Variants in DCAF6 observed in about 807,000 individuals in gnomAD.
The protein encoded by DCAF6 is DDB1- and CUL4-associated factor 6.
DCAF6 carries 54 observed loss-of-function variants against 125.1 expected under a neutral mutation model. The observed-to-expected ratio is 0.43, with a 90% CI of 0.35 to 0.54. The LOEUF (loss-of-function observed/expected upper bound fraction) is 0.54, where lower values mean the gene tolerates loss of function less well. DCAF6 is among the 20% of genes least tolerant of loss of function. The pLI, the probability that DCAF6 is intolerant of heterozygous loss-of-function variation, is 0.01. For missense variants in DCAF6, 934 were observed against 1,161.7 expected (o/e 0.80, Z 2.85); for synonymous variants, 371 against 390.4 (o/e 0.95, Z 0.58).
At chr1:168,070,117 G>A (rs1304048021) in intron 21 of DCAF6, among the ~76,000 whole-genome samples, 1 of 151,792 alleles carries the variant, frequency 6.6e-6, no homozygotes, top group East Asian at 1.9e-4. Flanking sequence ...TCCTTCTTTG[G>A]TTTTAGAATT....
chr1:167,962,666 A>AATTTTTAG (rs1170679377), intron 2 of DCAF6, among the ~76,000 whole-genome samples: 5 of 152,040 alleles, frequency 3.3e-5, no homozygotes, highest in African/African-American at 1.2e-4. Context: ...TCTCTGTCTT[A>AATTTTTAG]ATTTTTAGGC....
intron 6 of DCAF6, among the ~76,000 whole-genome samples, chr1:167,992,581 A>C (rs992642158): frequency 1.3e-5 from 2 of 152,246 alleles, no homozygotes; most frequent in African/African-American, 4.8e-5. Flanking sequence ...CACAATTGAC[A>C]TTTTGAGCAT....
At chr1:168,008,659 GA>G (rs1271340467) in intron 10 of DCAF6, among the ~76,000 whole-genome samples, 6 of 149,744 alleles carry the variant, frequency 4.0e-5, no homozygotes, top group African/African-American at 1.2e-4. Flanking sequence ...AACTACAAAA[GA>G]AAAAAAAATC....
chr1:167,961,685 A>G (rs1675628666), intron 2 of DCAF6, among the ~76,000 whole-genome samples: 1 of 152,172 alleles, frequency 6.6e-6, no homozygotes, highest in East Asian at 1.9e-4. Flanking sequence ...GACTTAAAGT[A>G]TGGTGTTGAA....
the DCAF6 span, chr1:167,920,687 T>C: frequency 9.2e-6 from 14 of 1,514,616 alleles, no homozygotes; most frequent in Non-Finnish European, 1.3e-5. Flanking sequence ...GTAATAGTTT[T>C]AACTTTAAAT....
At chr1:167,971,249 T>C (rs1677256108) in intron 3 of DCAF6, among the ~76,000 whole-genome samples, 2 of 152,246 alleles carry the variant, frequency 1.3e-5, no homozygotes, top group African/African-American at 4.8e-5. Context: ...CACTCCTTCA[T>C]CTGTGTTCCT....
chr1:168,026,754 C>T (rs559405838), intron 12 of DCAF6, among the ~76,000 whole-genome samples: 1 of 151,508 alleles, frequency 6.6e-6, no homozygotes, highest in Non-Finnish European at 1.5e-5. Flanking sequence ...TGGATATCCA[C>T]GTGGAGAGAT....
chr1:167,958,191 CG>C (rs1297611650), intron 2 of DCAF6, among the ~76,000 whole-genome samples: 2 of 151,876 alleles, frequency 1.3e-5, no homozygotes, highest in South Asian at 2.1e-4. Flanking sequence ...CTGTTGGTGC[CG>C]TATTTAAGAA....
intron 10 of DCAF6, among the ~76,000 whole-genome samples, chr1:168,011,149 GCT>G (rs1365124217): frequency 8.8e-6 from 1 of 113,760 alleles, no homozygotes; most frequent in African/African-American, 3.5e-5. Context: ...ATGGAGTCTT[GCT>G]CTGTCACCAG....
At chr1:168,053,519 T>G (rs1292665969) in intron 17 of DCAF6, among the ~76,000 whole-genome samples, 1 of 152,184 alleles carries the variant, frequency 6.6e-6, no homozygotes, top group Non-Finnish European at 1.5e-5. Flanking sequence ...ACTTCAATCA[T>G]GGCTATGATT....
chr1:168,042,928 T>G, intron 13 of DCAF6, 97 bp from the exon 14 acceptor site: 1 of 722,334 alleles, frequency 1.4e-6, no homozygotes, highest in Non-Finnish European at 2.3e-6. Context: ...TACTTGTGAA[T>G]TTTTTGGTCT....
At chr1:168,036,506 T>G (rs1035241380) in intron 12 of DCAF6, among the ~76,000 whole-genome samples, 1 of 152,222 alleles carries the variant, frequency 6.6e-6, no homozygotes, top group Admixed American at 6.5e-5. Context: ...CTCAGTTTCC[T>G]TAATCATCCA....
chr1:167,988,945 T>G (rs1680415819), intron 5 of DCAF6, among the ~76,000 whole-genome samples: 1 of 152,026 alleles, frequency 6.6e-6, no homozygotes, highest in Admixed American at 6.6e-5. Context: ...CCGGGCGTGG[T>G]GGCAGGTGCC....
intron 17 of DCAF6, among the ~76,000 whole-genome samples, chr1:168,052,927 G>A (rs1225685214): frequency 1.3e-5 from 2 of 152,072 alleles, no homozygotes; most frequent in Non-Finnish European, 2.9e-5. Flanking sequence ...CTGGTATATA[G>A]GGCACTTCAT....
At chr1:167,963,218 C>T (rs1444424956) in intron 2 of DCAF6, among the ~76,000 whole-genome samples, 2 of 151,656 alleles carry the variant, frequency 1.3e-5, no homozygotes, top group Admixed American at 6.6e-5. Flanking sequence ...GAGCTGAGAT[C>T]GTGCTGCTTC....
At chr1:168,018,614 T>A (rs900075979) in intron 11 of DCAF6, among the ~76,000 whole-genome samples, 1 of 152,214 alleles carries the variant, frequency 6.6e-6, no homozygotes, top group Non-Finnish European at 1.5e-5. Flanking sequence ...TCCAAAAATA[T>A]GGTTTTAAAA....
chr1:168,034,443 T>A (rs558069230), intron 12 of DCAF6, among the ~76,000 whole-genome samples: 1 of 152,180 alleles, frequency 6.6e-6, no homozygotes, highest in Non-Finnish European at 1.5e-5. Context: ...CCCAGAAGTT[T>A]GAGACCACAG....
chr1:168,055,606 C>T (rs1284327587), intron 17 of DCAF6, among the ~76,000 whole-genome samples: 1 of 91,350 alleles, frequency 1.1e-5, no homozygotes, highest in African/African-American at 6.4e-5. Context: ...ACAATGTTAT[C>T]TTTGAATTAT....
At chr1:167,913,778 A>C in the DCAF6 span, among the ~76,000 whole-genome samples, 1 of 152,202 alleles carries the variant, frequency 6.6e-6, no homozygotes, top group Non-Finnish European at 1.5e-5. Flanking sequence ...ATCCAGGTTG[A>C]GAAGGTGAGG....
Sources: allele counts gnomAD v4.1 joint callset (sites outside exome capture counted in the v4.1 genomes callset), GRCh38; gene constraint gnomAD v4.1.1; transcripts MANE v1.5; gene names NCBI Gene and HGNC (gene_info 2026-07-23, HGNC 2026-07-21).